PCDH11X: variants seen among roughly 807,000 people sequenced by gnomAD.
PCDH11X encodes protocadherin-11 X-linked.
PCDH11X carries 18 observed loss-of-function variants against 53.3 expected under a neutral mutation model. That is an observed-to-expected ratio of 0.34 (90% CI 0.23 to 0.50). PCDH11X has a LOEUF of 0.50. Ranked by LOEUF, PCDH11X falls within the 20% of genes least tolerant of loss-of-function variation. PCDH11X has a pLI of 0.98. For missense variants in PCDH11X, 570 were observed against 1,032.4 expected (o/e 0.55, Z 6.14); for synonymous variants, 279 against 393.3 (o/e 0.71, Z 3.44).
chrX:91,932,620 G>A (rs1370152098), intron 6 of PCDH11X, among the ~76,000 whole-genome samples: 2 of 101,521 alleles, frequency 2.0e-5, no homozygotes, highest in East Asian at 6.6e-4. Flanking sequence ...AGAGAAGAGA[G>A]GGAAGAGAGG....
At chrX:92,259,687 T>A (rs1156231415) in intron 7 of PCDH11X, among the ~76,000 whole-genome samples, 1 of 111,492 alleles carries the variant, frequency 9.0e-6, no homozygotes, top group Admixed American at 9.5e-5. Flanking sequence ...CTGTCACAGC[T>A]GGTAATGCTC....
At chrX:92,331,279 T>C (rs867898354) in intron 8 of PCDH11X, among the ~76,000 whole-genome samples, 2 of 53,216 alleles carry the variant, frequency 3.8e-5, no homozygotes, top group East Asian at 1.6e-3. Flanking sequence ...CCTCCTCCTC[T>C]TTCTTCTTCT....
At chrX:92,223,397 C>T (rs992775025) in intron 7 of PCDH11X, among the ~76,000 whole-genome samples, 1 of 111,869 alleles carries the variant, frequency 8.9e-6, no homozygotes, top group Non-Finnish European at 1.9e-5. Flanking sequence ...CACAAATTTA[C>T]ACTGCAAGCT....
chrX:92,278,806 GTTTTTT>G, intron 8 of PCDH11X, among the ~76,000 whole-genome samples: 1 of 47,378 alleles, frequency 2.1e-5, no homozygotes, highest in East Asian at 6.2e-4. Context: ...TCTCTTTTCA[GTTTTTT>G]TTTTTTTTTT....
chrX:91,951,932 A>G (rs2061645431), intron 6 of PCDH11X, among the ~76,000 whole-genome samples: 1 of 111,397 alleles, frequency 9.0e-6, no homozygotes. Flanking sequence ...CAAAGCCTAC[A>G]CCTGCTCATT....
chrX:92,256,849 A>T (rs780420945), intron 7 of PCDH11X, among the ~76,000 whole-genome samples: 1 of 110,844 alleles, frequency 9.0e-6, no homozygotes, highest in South Asian at 3.9e-4. Flanking sequence ...GCTGAGGATA[A>T]TGGCTTCCAG....
intron 10 of PCDH11X, among the ~76,000 whole-genome samples, chrX:92,505,209 A>T (rs1223873398): frequency 4.1e-5 from 2 of 48,279 alleles, no homozygotes; most frequent in African/African-American, 8.7e-5. Flanking sequence ...TAATTAAGTC[A>T]CACTTGTCTT....
chrX:92,136,432 C>T (rs1165170560), intron 6 of PCDH11X, among the ~76,000 whole-genome samples: 8 of 74,559 alleles, frequency 1.1e-4, no homozygotes, highest in African/African-American at 3.0e-4. Flanking sequence ...TTTTAGGTAC[C>T]TCAGGAGATA....
chrX:91,923,615 G>A (rs376882167), intron 6 of PCDH11X, among the ~76,000 whole-genome samples: 4,140 of 104,268 alleles, frequency 0.04, 218 homozygotes, highest in African/African-American at 0.13. Flanking sequence ...AACTCGGACT[G>A]GCTTCCTTGC....
At chrX:92,106,555 A>C (rs1487159533) in intron 6 of PCDH11X, among the ~76,000 whole-genome samples, 2 of 111,769 alleles carry the variant, frequency 1.8e-5, no homozygotes, top group Non-Finnish European at 3.8e-5. Flanking sequence ...TATTTTACTA[A>C]GTTTTTGATA....
chrX:91,955,869 C>T (rs2061701472), intron 6 of PCDH11X, among the ~76,000 whole-genome samples: 1 of 110,154 alleles, frequency 9.1e-6, no homozygotes, highest in South Asian at 4.0e-4. Context: ...TGTTAATGTC[C>T]CTCACTATTA....
intron 10 of PCDH11X, among the ~76,000 whole-genome samples, chrX:92,615,519 G>A (rs1360470163): frequency 9.0e-6 from 1 of 111,639 alleles, no homozygotes; most frequent in Non-Finnish European, 1.9e-5. Context: ...CTTCAACAGG[G>A]GAGTGTAAAA....
chrX:92,585,098 G>A (rs1468434309), intron 10 of PCDH11X, among the ~76,000 whole-genome samples: 1 of 110,320 alleles, frequency 9.1e-6, no homozygotes, highest in Non-Finnish European at 1.9e-5. Context: ...AAGGCAAAGT[G>A]CAGTCAGCAC....
intron 9 of PCDH11X, among the ~76,000 whole-genome samples, chrX:92,426,108 C>T (rs894006270): frequency 4.9e-4 from 49 of 99,146 alleles, no homozygotes; most frequent in South Asian, 2.2e-3. Context: ...TATTTTTCGG[C>T]GAACAAACAT....
chrX:92,101,135 C>T (rs1159009824), intron 6 of PCDH11X, among the ~76,000 whole-genome samples: 1 of 111,740 alleles, frequency 8.9e-6, no homozygotes, highest in African/African-American at 3.3e-5. Flanking sequence ...AAGGAGATAT[C>T]AGCTGTGATG....
chrX:91,848,925 T>G lies in PCDH11X; in HGVS notation c.540+12881T>G, dbSNP rs180932196. 5.5e-3 allele frequency among the ~76,000 whole-genome samples: 610 copies of G among 111,047 alleles called. 1 individual carries two copies. The highest frequency in any genetic ancestry group is 8.8e-3 in the Non-Finnish European group (468 of 52,886). Reference sequence around the variant, plus strand: ...TATCAGGATTACTGATTTCTTTATATGACATTACTTATGAAAAGAAGTAAT... The same window carrying G: ...TATCAGGATTACTGATTTCTTTATAGGACATTACTTATGAAAAGAAGTAAT... On this transcript the variant is annotated intron_variant, in intron 5 of 10. Transcript: ENST00000682573.
At chrX:92,277,946 T>C (rs1471307618) in intron 8 of PCDH11X, among the ~76,000 whole-genome samples, 1 of 111,750 alleles carries the variant, frequency 8.9e-6, no homozygotes, top group African/African-American at 3.3e-5. Context: ...GGCATCCCTG[T>C]GTCTTCTGAC....
chrX:92,524,945 G>T (rs2074424379), intron 10 of PCDH11X, among the ~76,000 whole-genome samples: 1 of 111,164 alleles, frequency 9.0e-6, no homozygotes, highest in African/African-American at 3.3e-5. Context: ...ACCTACCACA[G>T]AATTAACTCT....
At chrX:92,280,513 C>A (rs1378725433) in intron 8 of PCDH11X, among the ~76,000 whole-genome samples, 2 of 106,132 alleles carry the variant, frequency 1.9e-5, no homozygotes, top group African/African-American at 3.5e-5. Context: ...TAGAGTGAGG[C>A]TCCATCTCAA....
Sources: gnomAD v4.1 joint callset for allele counts (sites outside exome capture counted in the v4.1 genomes callset) on GRCh38, gnomAD v4.1.1 for gene constraint, MANE v1.5 for transcripts, NCBI Gene and HGNC (gene_info 2026-07-23, HGNC 2026-07-21) for gene names.